Variants in IQCM observed in about 807,000 individuals in gnomAD.
IQCM encodes the protein IQ motif containing M, also known as IQ domain-containing protein M.
Under a neutral mutation model 57.6 loss-of-function variants are expected in IQCM, and 45 were observed. The observed-to-expected ratio is 0.78, with a 90% CI of 0.62 to 1.00. The LOEUF (loss-of-function observed/expected upper bound fraction) is 1.00. Among genes scored for constraint, IQCM ranks in the 50% least tolerant of loss-of-function variants. IQCM has a pLI of 0.00. For synonymous variants in IQCM, 148 were observed against 158.9 expected (o/e 0.93, Z 0.51); for missense variants, 468 against 511.6 (o/e 0.91, Z 0.82).
intron 7 of IQCM, among the ~76,000 whole-genome samples, chr4:149,679,699 G>A (rs1482491026): frequency 6.6e-6 from 1 of 151,150 alleles, no homozygotes; most frequent in East Asian, 1.9e-4. Context: ...AGTCCAGTAG[G>A]TTACCATATA....
intron 13 of IQCM, among the ~76,000 whole-genome samples, chr4:149,358,467 A>G (rs566533632): frequency 1.3e-5 from 2 of 152,270 alleles, no homozygotes; most frequent in East Asian, 3.9e-4. Flanking sequence ...GTTGGTTTCA[A>G]AGAACATCTT....
intron 8 of IQCM, among the ~76,000 whole-genome samples, chr4:149,589,472 C>T (rs1752926022): frequency 6.6e-6 from 1 of 151,954 alleles, no homozygotes; most frequent in Non-Finnish European, 1.5e-5. Flanking sequence ...TGTGTTTATC[C>T]TGCAAAAATA....
intron 12 of IQCM, among the ~76,000 whole-genome samples, chr4:149,492,700 G>A (rs1025690093): frequency 1.3e-5 from 2 of 152,058 alleles, no homozygotes; most frequent in Non-Finnish European, 2.9e-5. Context: ...TGGTCTATAT[G>A]ACAATGGGAC....
At chr4:149,645,551 C>A (rs1758558355) in intron 7 of IQCM, among the ~76,000 whole-genome samples, 1 of 152,168 alleles carries the variant, frequency 6.6e-6, no homozygotes. Flanking sequence ...CCCCTTAAAT[C>A]AGTACTACCC....
chr4:149,502,612 T>C (rs1743372127), intron 12 of IQCM, among the ~76,000 whole-genome samples: 1 of 152,122 alleles, frequency 6.6e-6, no homozygotes, highest in South Asian at 2.1e-4. Context: ...AGGTCGAGGC[T>C]GCAGTGAGCC....
At chr4:149,741,314 T>C (rs1767434420) in intron 3 of IQCM, among the ~76,000 whole-genome samples, 2 of 152,134 alleles carry the variant, frequency 1.3e-5, no homozygotes. Context: ...ATAAGTTTCA[T>C]ATATACCTCA....
At chr4:149,526,552 A>G (rs905665991) in intron 12 of IQCM, among the ~76,000 whole-genome samples, 26 of 152,104 alleles carry the variant, frequency 1.7e-4, no homozygotes, top group Non-Finnish European at 3.2e-4. Flanking sequence ...GCCTGCTTAC[A>G]TTACACAAAT....
intron 12 of IQCM, among the ~76,000 whole-genome samples, chr4:149,541,698 A>T (rs1248480052): frequency 1.3e-5 from 2 of 152,094 alleles, no homozygotes; most frequent in African/African-American, 2.4e-5. Flanking sequence ...CTCCCAAAGT[A>T]AGATTTTTAG....
At chr4:149,507,757 C>T (rs1340081689) in intron 12 of IQCM, among the ~76,000 whole-genome samples, 1 of 152,128 alleles carries the variant, frequency 6.6e-6, no homozygotes, top group African/African-American at 2.4e-5. Context: ...AAATTCAAGC[C>T]AGTTGAAAAC....
intron 7 of IQCM, among the ~76,000 whole-genome samples, chr4:149,672,091 G>T (rs1033710667): frequency 6.6e-6 from 1 of 152,080 alleles, no homozygotes; most frequent in African/African-American, 2.4e-5. Flanking sequence ...CAAACAGAAA[G>T]GACATCCACA....
intron 12 of IQCM, among the ~76,000 whole-genome samples, chr4:149,499,021 A>G (rs1172997905): frequency 6.6e-6 from 1 of 152,188 alleles, no homozygotes; most frequent in African/African-American, 2.4e-5. Flanking sequence ...CCAAGTTCAA[A>G]TTGTTCAATA....
chr4:149,681,829 A>T (rs1428151216), intron 7 of IQCM, among the ~76,000 whole-genome samples: 1 of 151,236 alleles, frequency 6.6e-6, no homozygotes, highest in Non-Finnish European at 1.5e-5. Flanking sequence ...TAAAAACAAC[A>T]ATAACTCAAC....
At chr4:149,679,523 T>G (rs1366172314) in intron 7 of IQCM, among the ~76,000 whole-genome samples, 2 of 151,482 alleles carry the variant, frequency 1.3e-5, no homozygotes, top group Non-Finnish European at 3.0e-5. Context: ...AGAATGGAAA[T>G]GGTTCTGTCA....
chr4:149,695,121 T>G (rs17026367), intron 5 of IQCM, among the ~76,000 whole-genome samples: 6 of 152,110 alleles, frequency 3.9e-5, no homozygotes, highest in African/African-American at 9.7e-5. Flanking sequence ...CAAGCACATG[T>G]GTGTTATATA....
chr4:149,659,960 C>A (rs966142943), intron 7 of IQCM, among the ~76,000 whole-genome samples: 4 of 151,624 alleles, frequency 2.6e-5, no homozygotes, highest in Non-Finnish European at 4.4e-5. Flanking sequence ...GCAATGGCAA[C>A]AAAAGCCAAA....
At chr4:149,518,145 A>G (rs557313948) in intron 12 of IQCM, among the ~76,000 whole-genome samples, 37 of 152,290 alleles carry the variant, frequency 2.4e-4, no homozygotes, top group Middle Eastern at 3.4e-3. Flanking sequence ...GGATGAAAAA[A>G]GTACATTTCA....
At chr4:149,475,262 G>A (rs560478811) in intron 12 of IQCM, among the ~76,000 whole-genome samples, 167 of 152,270 alleles carry the variant, frequency 1.1e-3, no homozygotes, top group African/African-American at 3.9e-3. Context: ...CAGATTAGAT[G>A]TGAGGATGAG....
At chr4:149,357,978 G>C (rs1729133348) in intron 13 of IQCM, among the ~76,000 whole-genome samples, 1 of 152,170 alleles carries the variant, frequency 6.6e-6, no homozygotes. Context: ...TTTTGGGAGA[G>C]TGTATGTGTC....
intron 7 of IQCM, among the ~76,000 whole-genome samples, chr4:149,634,167 A>G (rs1424737243): frequency 6.6e-6 from 1 of 151,812 alleles, no homozygotes; most frequent in Non-Finnish European, 1.5e-5. Flanking sequence ...ACGCCACCAC[A>G]CCTGGCTAAT....
Sources: allele counts gnomAD v4.1 joint callset (sites outside exome capture counted in the v4.1 genomes callset), GRCh38; gene constraint gnomAD v4.1.1; transcripts MANE v1.5; gene names NCBI Gene and HGNC (gene_info 2026-07-23, HGNC 2026-07-21).